Variants in SRGAP3 observed in about 807,000 individuals in gnomAD.
SRGAP3 encodes SLIT-ROBO Rho GTPase-activating protein 3.
In SRGAP3, 39 loss-of-function variants were observed where a neutral mutation model predicts 121.1. The observed-to-expected ratio is 0.32, with a 90% CI of 0.25 to 0.42. SRGAP3 has a LOEUF of 0.42. Ranked by LOEUF, SRGAP3 falls within the 10% of genes least tolerant of loss-of-function variation. The pLI, the probability that SRGAP3 is intolerant of heterozygous loss-of-function variation, is 1.00. For missense variants in SRGAP3, 1,213 were observed against 1,470.6 expected, an observed-to-expected ratio of 0.82 and a Z score of 2.86; for synonymous variants, 601 against 570.0, an observed-to-expected ratio of 1.05 and a Z score of -0.77.
chr3:9,060,125 C>T (rs750502225), intron 6 of SRGAP3, 106 bp downstream of exon 6: 3 of 1,568,956 alleles, frequency 1.9e-6, no homozygotes, highest in Non-Finnish European at 2.6e-6. Context: ...GCTGTGGCTA[C>T]CCGAGAATGT....
At chr3:9,079,318 G>C (rs1437761716) in intron 4 of SRGAP3, among the ~76,000 whole-genome samples, 1 of 152,112 alleles carries the variant, frequency 6.6e-6, no homozygotes, top group South Asian at 2.1e-4. Flanking sequence ...TCTCCATGGG[G>C]TCCCCACATT....
At chr3:9,290,499 G>A (rs543563841) in intron 3 of SRGAP3, among the ~76,000 whole-genome samples, 1 of 152,252 alleles carries the variant, frequency 6.6e-6, no homozygotes, top group African/African-American at 2.4e-5. Context: ...TTTGACATTC[G>A]AACCTTATCC....
chr3:8,991,833 G>A (rs1942071348), intron 20 of SRGAP3, among the ~76,000 whole-genome samples: 1 of 152,190 alleles, frequency 6.6e-6, no homozygotes, highest in African/African-American at 2.4e-5. Flanking sequence ...AGCAGTGCTT[G>A]TGGGTGCCCC....
At chr3:9,286,708 T>C (rs1954780478) in intron 3 of SRGAP3, among the ~76,000 whole-genome samples, 1 of 150,760 alleles carries the variant, frequency 6.6e-6, no homozygotes, top group African/African-American at 2.4e-5. Context: ...GTTCCCGCCA[T>C]TCTCCTGCCT....
At chr3:9,021,484 G>A (rs1017460752) in intron 14 of SRGAP3, among the ~76,000 whole-genome samples, 1 of 151,920 alleles carries the variant, frequency 6.6e-6, no homozygotes, top group Admixed American at 6.6e-5. Flanking sequence ...TGAGCAGTGA[G>A]TTTAAGATTT....
At chr3:9,188,312 T>C (rs141351361) in intron 1 of SRGAP3, among the ~76,000 whole-genome samples, 176 of 152,362 alleles carry the variant, frequency 1.2e-3, no homozygotes, top group Non-Finnish European at 2.1e-3. Flanking sequence ...GAGAACCTTA[T>C]GGATTAGAAG....
At chr3:9,135,045 C>T (rs1231727922) in intron 1 of SRGAP3, among the ~76,000 whole-genome samples, 1 of 152,056 alleles carries the variant, frequency 6.6e-6, no homozygotes, top group Non-Finnish European at 1.5e-5. Flanking sequence ...ATATTGGTAC[C>T]ATATTGTCCA....
At chr3:9,247,758 A>C (rs1953873815) in intron 1 of SRGAP3, among the ~76,000 whole-genome samples, 1 of 152,242 alleles carries the variant, frequency 6.6e-6, no homozygotes, top group Admixed American at 6.5e-5. Flanking sequence ...TCTTTCTAGG[A>C]GAGGCCACAA....
intron 1 of SRGAP3, 184 bp from the exon 2 acceptor site, chr3:9,125,101 T>C: frequency 1.5e-6 from 1 of 676,992 alleles, no homozygotes; most frequent in Middle Eastern, 4.1e-4. Flanking sequence ...GATTTCTCTC[T>C]TGCTCGTTTT....
At chr3:9,327,975 A>G (rs941850073) in intron 2 of SRGAP3, among the ~76,000 whole-genome samples, 1 of 152,186 alleles carries the variant, frequency 6.6e-6, no homozygotes, top group African/African-American at 2.4e-5. Context: ...AATTCCATAT[A>G]TCCCCAGACC....
intron 7 of SRGAP3, among the ~76,000 whole-genome samples, chr3:9,056,823 C>G (rs1165595455): frequency 6.6e-6 from 1 of 152,156 alleles, no homozygotes; most frequent in Non-Finnish European, 1.5e-5. Context: ...CTTCGTCCCC[C>G]AGCAATTGAC....
chr3:9,001,656 T>TA (rs970684307), intron 18 of SRGAP3, among the ~76,000 whole-genome samples: 1 of 151,964 alleles, frequency 6.6e-6, no homozygotes, highest in Non-Finnish European at 1.5e-5. Flanking sequence ...CTGGATAAAA[T>TA]AAAATAATTT....
intron 21 of SRGAP3, among the ~76,000 whole-genome samples, chr3:8,988,574 G>A (rs1038955391): frequency 3.3e-5 from 5 of 152,192 alleles, no homozygotes; most frequent in African/African-American, 1.2e-4. Flanking sequence ...CCAGGGGCAG[G>A]TCGTGCAAAA....
At chr3:9,048,541 C>G (rs1945400196) in intron 9 of SRGAP3, among the ~76,000 whole-genome samples, 1 of 152,208 alleles carries the variant, frequency 6.6e-6, no homozygotes, top group African/African-American at 2.4e-5. Context: ...GAAAGCAGAG[C>G]TGAGCACGGT....
intron 10 of SRGAP3, among the ~76,000 whole-genome samples, chr3:9,044,154 C>G (rs1018813625): frequency 3.3e-5 from 5 of 152,102 alleles, no homozygotes; most frequent in African/African-American, 1.2e-4. Flanking sequence ...TAAAGCTGAC[C>G]CAAAAGACCT....
intron 3 of SRGAP3, among the ~76,000 whole-genome samples, chr3:9,258,037 T>C (rs143524915): frequency 6.6e-6 from 1 of 152,278 alleles, no homozygotes; most frequent in Non-Finnish European, 1.5e-5. Context: ...CGATATAGTC[T>C]AGGCATTGAG....
At chr3:9,186,754 T>C (rs1418528957) in intron 1 of SRGAP3, among the ~76,000 whole-genome samples, 1 of 152,166 alleles carries the variant, frequency 6.6e-6, no homozygotes, top group African/African-American at 2.4e-5. Context: ...GGTGGATGTT[T>C]ATTTCCAGTT....
chr3:9,261,147 C>G (rs1415794782), intron 3 of SRGAP3, among the ~76,000 whole-genome samples: 1 of 152,170 alleles, frequency 6.6e-6, no homozygotes, highest in Non-Finnish European at 1.5e-5. Flanking sequence ...AAAGCAATAG[C>G]ATCAACATCA....
chr3:9,250,687 C>G (rs1953989974), upstream of SRGAP3, among the ~76,000 whole-genome samples: 1 of 152,088 alleles, frequency 6.6e-6, no homozygotes, highest in South Asian at 2.1e-4. Context: ...TTTATATCCC[C>G]CAACAACCTA....
Sources: gnomAD v4.1 joint callset for allele counts (sites outside exome capture counted in the v4.1 genomes callset) on GRCh38, gnomAD v4.1.1 for gene constraint, MANE v1.5 for transcripts, NCBI Gene and HGNC (gene_info 2026-07-23, HGNC 2026-07-21) for gene names.